The following SEC14L1 variants were observed in gnomAD, a reference collection of about 807,000 sequenced individuals.
SEC14L1 encodes the protein SEC14-like protein 1.
Under a neutral mutation model 85.3 loss-of-function variants are expected in SEC14L1, and 48 were observed. The observed-to-expected ratio is 0.56, with a 90% CI of 0.45 to 0.72. The LOEUF is 0.72. Among genes scored for constraint, SEC14L1 ranks in the 30% least tolerant of loss-of-function variants. The probability of loss-of-function intolerance (pLI) is 0.00; values close to 1 mark genes in which losing one functional copy is unlikely to be tolerated. For missense variants in SEC14L1, 682 were observed against 921.4 expected (o/e 0.74, Z 3.36); for synonymous variants, 391 against 355.5 (o/e 1.10, Z -1.12).
Position 77,206,633 on chromosome 17 carries a change from C to T in SEC14L1, c.1342-95C>T. 1.4e-6 allele frequency: 2 copies of T among 1,436,108 alleles called. No individual in the cohort carries two copies. Among genetic ancestry groups the T allele is most frequent in the Non-Finnish European group, 1.9e-6 (2 of 1,052,610 alleles). The allele number at this position is 1,436,108 out of a possible 1,614,324, so 89.0% of individuals were successfully genotyped here. ...AAGTATATAAACTTGAATGTCTTCC[C>T]CCCACCCTCCCACTCAGAATACCAC... On this transcript the variant is annotated intron_variant, in intron 12 of 16. Coordinates refer to ENST00000436233, the MANE Select transcript of SEC14L1 (RefSeq NM_001143998.2). The surrounding 1 kb of genome is among the most constrained non-coding windows in gnomAD (Gnocchi z 4.3).
chr17:77,208,511 G>A (rs1976580826), intron 13 of SEC14L1, among the ~76,000 whole-genome samples: 1 of 152,142 alleles, frequency 6.6e-6, no homozygotes. Context: ...TAATTGAACT[G>A]TCCAAAAACT....
rs574767624 is a variant in SEC14L1, at chr17:77,214,934, G to A, written c.*911G>A. On this transcript the variant is annotated 3_prime_UTR_variant, in exon 17 of 17. Transcript: ENST00000436233. ...GAGGCCGTCTTGGAACCAGCAAGTC[G>A]CATTTGCCACTTGACACTGTCCATG... The A allele has an allele frequency of 2.6e-4, 252 of 985,404 alleles. No homozygotes were observed. The Middle Eastern group carries it at 6.8e-3, about 27-fold the overall frequency. 61.0% of individuals were successfully genotyped at this position (985,404 alleles called of 1,614,324 possible). A position where few individuals can be genotyped will look rare whatever the true frequency, so the allele number is the denominator to read the frequency against.
intron 8 of SEC14L1, 108 bp from the exon 9 acceptor site, chr17:77,200,376 C>A: frequency 2.5e-6 from 2 of 794,304 alleles, no homozygotes; most frequent in Non-Finnish European, 4.0e-6. Context: ...ACCATATTGG[C>A]CAGGCTGGTC....
Position 77,215,195 on chromosome 17 carries a change from G to GT in SEC14L1, c.*1175dup. 1 of 985,376 alleles carries GT rather than the reference G, an allele frequency of 1.0e-6. No homozygotes were observed. The allele number at this position is 985,376 out of a possible 1,614,324, so 61.0% of individuals were successfully genotyped here. ...AGAAGCAAATCAGAATATGGGATTT[G>GT]TTTGCCTTTTACATTTTGTTTAATT... On this transcript the variant is annotated 3_prime_UTR_variant, in exon 17 of 17. Transcript: ENST00000436233.
chr17:77,189,553 G>A (rs1238609787), intron 3 of SEC14L1, among the ~76,000 whole-genome samples: 1 of 152,126 alleles, frequency 6.6e-6, no homozygotes, highest in African/African-American at 2.4e-5. Context: ...CTAGGCACTA[G>A]TCCTTTGTCA....
rs971632660 is a variant in SEC14L1 at position 77,214,430 on chromosome 17, G to A, written c.*407G>A. 6 of 1,001,418 alleles carry A rather than the reference G, an allele frequency of 6.0e-6. No homozygotes were observed. Among genetic ancestry groups the A allele is most frequent in the South Asian group, 4.2e-5 (1 of 23,672 alleles). 62.0% of individuals were successfully genotyped at this position (1,001,418 alleles called of 1,614,324 possible). ...GAGATGGCCCCTCCTCACCTGGGAC[G>A]GAAGCTGCCAGCTCGCTTCCCCCAA... is the stretch of plus-strand genomic sequence containing the variant. On this transcript the variant is annotated 3_prime_UTR_variant, in exon 17 of 17. Transcript: ENST00000436233.
intron 5 of SEC14L1, among the ~76,000 whole-genome samples, chr17:77,192,515 G>T (rs796788988): frequency 6.6e-5 from 10 of 152,256 alleles, no homozygotes; most frequent in African/African-American, 2.2e-4. Context: ...GCCTCCCCCA[G>T]GGGCTTTGGC....
chr17:77,118,889 A>G (rs894394140), intron 3 of SEC14L1, among the ~76,000 whole-genome samples: 5 of 152,076 alleles, frequency 3.3e-5, no homozygotes, highest in Non-Finnish European at 7.4e-5. Context: ...CTTTCCAGAA[A>G]CCATCCCACC....
At chr17:77,108,787 CAA>C (rs60644460) in intron 3 of SEC14L1, among the ~76,000 whole-genome samples, 61,833 of 113,080 alleles carry the variant, frequency 0.55, 15,753 homozygotes, top group Non-Finnish European at 0.56. Flanking sequence ...TCTCTGTCTC[CAA>C]AAAAAAAAAA....
At chr17:77,124,569 T>C (rs1972388317) in intron 3 of SEC14L1, among the ~76,000 whole-genome samples, 1 of 152,176 alleles carries the variant, frequency 6.6e-6, no homozygotes, top group African/African-American at 2.4e-5. Context: ...AAAATTACGT[T>C]TTGTTCTTTG....
rs981979012 is a variant in SEC14L1 at position 77,214,475 on chromosome 17, G to A, written c.*452G>A. The A allele has an allele frequency of 3.0e-5, 30 of 999,948 alleles. No homozygotes were observed. The highest frequency in any genetic ancestry group is 3.5e-5 in the Non-Finnish European group (29 of 838,142). 61.9% of individuals were successfully genotyped at this position (999,948 alleles called of 1,614,324 possible). A position where few individuals can be genotyped will look rare whatever the true frequency, so the allele number is the denominator to read the frequency against. ...CCCCAAGCTGCCTCATGGCCCGCAC[G>A]CCGCCTCACGGCCCCCATGCTTCCC... is the stretch of plus-strand genomic sequence containing the variant. On this transcript the variant is annotated 3_prime_UTR_variant, in exon 17 of 17. Transcript: ENST00000436233.
At chr17:77,161,781 A>G (rs980161669) in intron 3 of SEC14L1, among the ~76,000 whole-genome samples, 4 of 110,794 alleles carry the variant, frequency 3.6e-5, no homozygotes, top group African/African-American at 1.4e-4. Context: ...ACATCCTTGT[A>G]TTTTCCTGTT....
intron 3 of SEC14L1, among the ~76,000 whole-genome samples, chr17:77,116,172 A>G (rs145154600): frequency 0.013 from 1,956 of 152,238 alleles, 36 homozygotes; most frequent in African/African-American, 0.041. Flanking sequence ...CTCCTGCCTC[A>G]GTCCCCCAAA....
At chr17:77,194,425 T>G (rs1975696590) in intron 6 of SEC14L1, among the ~76,000 whole-genome samples, 1 of 151,822 alleles carries the variant, frequency 6.6e-6, no homozygotes, top group South Asian at 2.1e-4. Context: ...TGAGGTGGCA[T>G]ATACCTGTAG....
intron 1 of SEC14L1, among the ~76,000 whole-genome samples, chr17:77,142,228 A>G (rs942946282): frequency 6.6e-6 from 1 of 152,150 alleles, no homozygotes; most frequent in African/African-American, 2.4e-5. Flanking sequence ...TCTGAGAGGT[A>G]TGCCAGACAT....
chr17:77,203,740 C>G, intron 10 of SEC14L1, 82 bp downstream of exon 10: 1 of 997,978 alleles, frequency 1.0e-6, no homozygotes, highest in Non-Finnish European at 1.5e-6. Context: ...TGTTAACCAG[C>G]CTGTTAGAAC....
intron 3 of SEC14L1, among the ~76,000 whole-genome samples, chr17:77,173,464 G>A (rs1974612524): frequency 6.6e-6 from 1 of 151,994 alleles, no homozygotes; most frequent in South Asian, 2.1e-4. Flanking sequence ...GTTGCTTAGG[G>A]GTGGGGGCCT....
chr17:77,207,886 A>G (rs1381745397), intron 13 of SEC14L1, among the ~76,000 whole-genome samples: 1 of 152,222 alleles, frequency 6.6e-6, no homozygotes, highest in Non-Finnish European at 1.5e-5. Flanking sequence ...GAAGCTCAGA[A>G]CCTTGGGGTC....
intron 3 of SEC14L1, among the ~76,000 whole-genome samples, chr17:77,173,342 T>C (rs933866992): frequency 1.4e-5 from 2 of 142,328 alleles, no homozygotes; most frequent in African/African-American, 5.4e-5. Context: ...GAGTTAGGAT[T>C]ATAAAGAGGG....
Sources: gnomAD v4.1 joint callset for allele counts (sites outside exome capture counted in the v4.1 genomes callset) on GRCh38, gnomAD v4.1.1 for gene constraint, Gnocchi (gnomAD v3.1) non-coding constraint, MANE v1.5 for transcripts, NCBI Gene and HGNC (gene_info 2026-07-23, HGNC 2026-07-21) for gene names.